SDK1: variants seen among roughly 807,000 people sequenced by gnomAD.
The protein encoded by SDK1 is protein sidekick-1.
A neutral mutation model predicts 245.5 loss-of-function variants in SDK1; 157 were observed. The ratio of observed to expected loss-of-function variants is 0.64; its 90% confidence interval spans 0.56 to 0.73. SDK1 has a LOEUF of 0.73. Among genes scored for constraint, SDK1 ranks in the 30% least tolerant of loss-of-function variants. The probability of loss-of-function intolerance (pLI) is 0.00; values close to 1 mark genes in which losing one functional copy is unlikely to be tolerated. For missense variants in SDK1, 3,583 were observed against 3,002.3 expected (o/e 1.19, Z -4.52); for synonymous variants, 1,647 against 1,278.5 (o/e 1.29, Z -6.15).
At chr7:4,263,610 G>GA (rs1416560382) in intron 44 of SDK1, among the ~76,000 whole-genome samples, 1 of 35,122 alleles carries the variant, frequency 2.8e-5, no homozygotes, top group Non-Finnish European at 5.6e-5. Flanking sequence ...TCTCCTGAGT[G>GA]GGGAGGCCGC....
At chr7:3,375,980 TAGCC>T (rs1781346001) in intron 1 of SDK1, among the ~76,000 whole-genome samples, 1 of 152,200 alleles carries the variant, frequency 6.6e-6, no homozygotes, top group Non-Finnish European at 1.5e-5. Context: ...GGTGTGGGGA[TAGCC>T]AGCTAGAATT....
chr7:3,343,500 G>C lies in SDK1; in HGVS notation c.298+41616G>C, dbSNP rs554479242. Among the ~76,000 whole-genome samples, 48 of 152,328 alleles carry C rather than the reference G, an allele frequency of 3.2e-4. 3 individuals are homozygous for C. In the South Asian group the frequency reaches 3.5e-3, roughly 11 times the overall value. Reference sequence around the variant, plus strand: ...CTTCCAGTGGCTAAAGAGCAGAAGAGAGTAGGACGGACATGGATGTGGCTA... The same window carrying C: ...CTTCCAGTGGCTAAAGAGCAGAAGACAGTAGGACGGACATGGATGTGGCTA... On this transcript the variant is annotated intron_variant, in intron 1 of 44. Transcript: ENST00000404826.
chr7:4,242,055 C>G (rs1042713267), intron 43 of SDK1, 142 bp downstream of exon 43: 33 of 961,240 alleles, frequency 3.4e-5, no homozygotes, highest in African/African-American at 4.9e-5. Flanking sequence ...AGTGCGCTCC[C>G]AAACCACCAG....
intron 28 of SDK1, among the ~76,000 whole-genome samples, chr7:4,140,215 G>C (rs1779485355): frequency 6.6e-6 from 1 of 152,136 alleles, no homozygotes; most frequent in Admixed American, 6.5e-5. Flanking sequence ...CCCCCTCTCA[G>C]ATCAGTGGCT....
In SDK1 at chr7:4,158,567, C is replaced by T. The variant is rs1417985653; in HGVS notation, c.4729+16C>T. On this transcript the variant is annotated intron_variant, in intron 31 of 44. Coordinates refer to ENST00000404826, the MANE Select transcript of SDK1 (RefSeq NM_152744.4). ...CTGCAGGATGGTGAGCAACCCGGGG[C>T]CCAGACCGCGTTCCTGGCCGCTGCC... 2.5e-6 allele frequency: 4 copies of T among 1,589,150 alleles called. No homozygotes were observed. The highest frequency in any genetic ancestry group is 2.6e-6 in the Non-Finnish European group (3 of 1,158,796).
chr7:3,676,300 C>T (rs1391881892), intron 4 of SDK1, among the ~76,000 whole-genome samples: 2 of 150,168 alleles, frequency 1.3e-5, no homozygotes, highest in African/African-American at 2.5e-5. Context: ...ATTACACGTA[C>T]CACACCTGGC....
At chr7:3,917,974 A>T (rs1779443958) in intron 5 of SDK1, among the ~76,000 whole-genome samples, 1 of 152,142 alleles carries the variant, frequency 6.6e-6, no homozygotes, top group Non-Finnish European at 1.5e-5. Context: ...TTGTACTTCT[A>T]GTTTTCTGTT....
At chr7:3,472,145 T>A (rs995341179) in intron 1 of SDK1, among the ~76,000 whole-genome samples, 35 of 152,186 alleles carry the variant, frequency 2.3e-4, no homozygotes, top group Non-Finnish European at 4.9e-4. Flanking sequence ...AATGCATAGT[T>A]CCCTCCATTA....
At chr7:3,666,672 A>G (rs1783543965) in intron 4 of SDK1, among the ~76,000 whole-genome samples, 1 of 146,186 alleles carries the variant, frequency 6.8e-6, no homozygotes, top group Non-Finnish European at 1.5e-5. Flanking sequence ...GGCGATTGGT[A>G]TTTGTTTGAA....
chr7:3,318,362 C>T (rs958641717), intron 1 of SDK1, among the ~76,000 whole-genome samples: 1 of 152,190 alleles, frequency 6.6e-6, no homozygotes, highest in African/African-American at 2.4e-5. Context: ...AATCACTTGT[C>T]TGTGTTTCAG....
intron 1 of SDK1, among the ~76,000 whole-genome samples, chr7:3,410,654 T>G (rs1300176806): frequency 7.0e-6 from 1 of 143,678 alleles, no homozygotes; most frequent in East Asian, 2.2e-4. Flanking sequence ...TGGCACGATC[T>G]CAGCTTACTG....
In SDK1 at chr7:3,505,912, G is replaced by C. The variant is rs1337567262; in HGVS notation, c.299-113168G>C. 2.6e-5 allele frequency among the ~76,000 whole-genome samples: 4 copies of C among 151,826 alleles called. No individual in the cohort carries two copies. In the South Asian group the frequency reaches 8.4e-4, roughly 32 times the overall value. ...CTGTTGCTTTTATTTCTTCCTTCCT[G>C]CCCCTTGTGCAATTACTGTTATGCA... On this transcript the variant is annotated intron_variant, in intron 1 of 44. Coordinates refer to ENST00000404826, the MANE Select transcript of SDK1 (RefSeq NM_152744.4).
chr7:3,552,521 T>C (rs1303662855), intron 1 of SDK1, among the ~76,000 whole-genome samples: 1 of 152,234 alleles, frequency 6.6e-6, no homozygotes, highest in Admixed American at 6.5e-5. Flanking sequence ...TTTGCTCATA[T>C]ATTCATTTAT....
At chr7:4,157,201 G>A (rs1481755034) in intron 30 of SDK1, among the ~76,000 whole-genome samples, 3 of 152,014 alleles carry the variant, frequency 2.0e-5, no homozygotes, top group Non-Finnish European at 4.4e-5. Flanking sequence ...CTCAGGCATG[G>A]CATGGGGCTT....
At chr7:3,822,158 G>T (rs1779662419) in intron 5 of SDK1, among the ~76,000 whole-genome samples, 2 of 152,078 alleles carry the variant, frequency 1.3e-5, no homozygotes, top group Non-Finnish European at 2.9e-5. Context: ...TACATGTTTG[G>T]ACTTTAAATT....
At chr7:3,687,503 C>T (rs146719439) in intron 4 of SDK1, among the ~76,000 whole-genome samples, 17 of 152,306 alleles carry the variant, frequency 1.1e-4, no homozygotes, top group African/African-American at 3.9e-4. Context: ...GATATCGAAC[C>T]GCAGTCCATC....
intron 4 of SDK1, among the ~76,000 whole-genome samples, chr7:3,646,273 C>T (rs1430128531): frequency 6.6e-6 from 1 of 152,160 alleles, no homozygotes. Context: ...AACATTACCT[C>T]ATTATCTGCC....
chr7:4,081,153 G>C (rs1329758181), intron 22 of SDK1, among the ~76,000 whole-genome samples: 1 of 152,200 alleles, frequency 6.6e-6, no homozygotes, highest in East Asian at 1.9e-4. Flanking sequence ...GGGCTAGGCA[G>C]GCCACAGCGA....
At chr7:3,386,483 A>G (rs1364041205) in intron 1 of SDK1, among the ~76,000 whole-genome samples, 1 of 152,182 alleles carries the variant, frequency 6.6e-6, no homozygotes, top group African/African-American at 2.4e-5. Flanking sequence ...GAGTTAACAG[A>G]GCTGTCTAGA....
Sources: gnomAD v4.1 joint callset for allele counts (sites outside exome capture counted in the v4.1 genomes callset) on GRCh38, gnomAD v4.1.1 for gene constraint, MANE v1.5 for transcripts, NCBI Gene and HGNC (gene_info 2026-07-23, HGNC 2026-07-21) for gene names.